RAD52: variants seen among roughly 807,000 people sequenced by gnomAD.
The protein encoded by RAD52 is DNA repair protein RAD52 homolog.
In RAD52, 47 loss-of-function variants were observed where a neutral mutation model predicts 55.5. That is an observed-to-expected ratio of 0.85 (90% confidence interval 0.67 to 1.08). The LOEUF (loss-of-function observed/expected upper bound fraction) is 1.08. RAD52 is among the 50% of genes least tolerant of loss of function. The probability of loss-of-function intolerance (pLI) is 0.00; values close to 1 mark genes in which losing one functional copy is unlikely to be tolerated. For missense variants in RAD52, 468 were observed against 522.8 expected (o/e 0.90, Z 1.02); for synonymous variants, 184 against 198.9 (o/e 0.92, Z 0.63).
rs548206762 is a variant in RAD52 at position 926,474 on chromosome 12, A to C, written c.467+671T>G. Among the ~76,000 whole-genome samples the C allele has an allele frequency of 2.2e-4, 33 of 152,270 alleles. 1 individual carries two copies. Among genetic ancestry groups the C allele is most frequent in the Non-Finnish European group, 4.9e-4 (33 of 68,024 alleles). The stretch of plus-strand genomic sequence containing the variant: ...AGCGATGACGGCACCACTGCACCCC[A>C]GCCTGTGCAACAGAGCAAGACCCTG... On this transcript the variant is annotated intron_variant, in intron 6 of 11. Transcript: ENST00000358495.
intron 6 of RAD52, among the ~76,000 whole-genome samples, chr12:926,414 A>G (rs1461700254): frequency 2.6e-5 from 4 of 152,046 alleles, no homozygotes; most frequent in Non-Finnish European, 5.9e-5. Flanking sequence ...TGAGGCGGGA[A>G]GATCACTTCA....
At chr12:947,521 C>T (rs11064609) in intron 1 of RAD52, among the ~76,000 whole-genome samples, 14,386 of 147,834 alleles carry the variant, frequency 0.097, 837 homozygotes, top group Middle Eastern at 0.21. Context: ...TAGTGGCATG[C>T]GCCTGTAAGC....
At chr12:931,388 C>A (rs1957321191) in intron 2 of RAD52, 67 bp from the exon 3 acceptor site, 1 of 1,182,270 alleles carries the variant, frequency 8.5e-7, no homozygotes, top group Non-Finnish European at 1.2e-6. Context: ...AGTCTCCATC[C>A]TTTATGGAGA....
chr12:933,614 C>T (rs1565674612), intron 1 of RAD52, among the ~76,000 whole-genome samples: 1 of 152,120 alleles, frequency 6.6e-6, no homozygotes, highest in Non-Finnish European at 1.5e-5. Flanking sequence ...TTTCTGTTAA[C>T]ATGTTTGCTA....
chr12:916,467 C>T lies in RAD52; in HGVS notation c.742G>A (p.Ala248Thr), dbSNP rs754974791. 2.2e-5 allele frequency: 36 copies of T among 1,607,246 alleles called. No individual in the cohort carries two copies. The East Asian group carries it at 6.7e-4, about 30-fold the overall frequency. Residue 248 changes from alanine (A) to threonine (T), a missense_variant, in exon 9 of 12, where the codon GCC becomes ACC. Coordinates refer to ENST00000358495, the MANE Select transcript of RAD52 (RefSeq NM_134424.4). ...DCSSRSLSSS[A>T]VESEATHQRK... The stretch of plus-strand genomic sequence containing the variant: ...TGGTGCGTGGCCTCGCTCTCCACGG[C>T]GGATGAGCTCAGGCTTCTGCATGAG...
At chr12:953,829 A>C (rs1228385184), upstream of RAD52, among the ~76,000 whole-genome samples, 2 of 152,206 alleles carry the variant, frequency 1.3e-5, no homozygotes, top group African/African-American at 2.4e-5. Context: ...ATCATAAATA[A>C]TACTACAGTG....
At chr12:940,610 TAAAAC>T (rs752043486) in intron 1 of RAD52, among the ~76,000 whole-genome samples, 6 of 151,686 alleles carry the variant, frequency 4.0e-5, no homozygotes, top group African/African-American at 1.2e-4. Flanking sequence ...AGACTCCGTC[TAAAAC>T]AAAACAAAAC....
chr12:959,133 T>C (rs919980404), intron 1 of RAD52, among the ~76,000 whole-genome samples: 1 of 152,202 alleles, frequency 6.6e-6, no homozygotes, highest in African/African-American at 2.4e-5. Flanking sequence ...AACCGAGTGC[T>C]GAGGGCTTCC....
intron 7 of RAD52, among the ~76,000 whole-genome samples, chr12:923,056 C>T (rs2154111807): frequency 6.6e-6 from 1 of 152,010 alleles, no homozygotes; most frequent in Middle Eastern, 3.4e-3. Flanking sequence ...CAGGGTTTCA[C>T]CATGTTGGCC....
chr12:987,696 G>A lies in RAD52; in HGVS notation c.-19+2113C>T, dbSNP rs913233511. 5.3e-5 allele frequency among the ~76,000 whole-genome samples: 8 copies of A among 151,990 alleles called. No individual in the cohort carries two copies. In the East Asian group the frequency reaches 1.5e-3, roughly 29 times the overall value. Reference sequence around the variant, plus strand: ...CCACCTCAGCCACCTGAGTAGCTGGGATTACAGGCATATGCCACCATACTT... The same window carrying A: ...CCACCTCAGCCACCTGAGTAGCTGGAATTACAGGCATATGCCACCATACTT... On this transcript the variant is annotated intron_variant, in intron 1 of 11. Coordinates refer to the RAD52 transcript ENST00000430095.
chr12:974,379 A>G (rs1958909209), intron 1 of RAD52: 2 of 152,156 alleles, frequency 1.3e-5, no homozygotes, highest in Admixed American at 6.6e-5. Context: ...CTTCTCTAGT[A>G]AGAGGGAGGC....
At chr12:981,068 AC>A (rs905892487) in intron 1 of RAD52, among the ~76,000 whole-genome samples, 26 of 151,662 alleles carry the variant, frequency 1.7e-4, no homozygotes, top group African/African-American at 6.0e-4. Context: ...GGTAGCTCAC[AC>A]CTGTAATCTC....
intron 1 of RAD52, among the ~76,000 whole-genome samples, chr12:986,849 T>TA (rs1959092613): frequency 6.6e-6 from 1 of 151,368 alleles, no homozygotes; most frequent in Non-Finnish European, 1.5e-5. Flanking sequence ...CCAATCTAAC[T>TA]AAGTTCCTGG....
At position 981,168 on chromosome 12, in the gene RAD52, C is replaced by CA. The variant is rs35150113; in HGVS notation, c.-19+8640dup. Among the ~76,000 whole-genome samples the CA allele has an allele frequency of 8.3e-3, 1,087 of 130,390 alleles. 2 individuals are homozygous for CA. The highest frequency in any genetic ancestry group is 0.028 in the Middle Eastern group (7 of 252). 85.5% of individuals were successfully genotyped at this position (130,390 alleles called of 152,430 possible). A position where few individuals can be genotyped will look rare whatever the true frequency, so the allele number is the denominator to read the frequency against. ...AACATGGTGAAACCCCCGTCTCTAC[C>CA]AAAAAAAAAAAAAAATTAGCCAGAT... is the stretch of plus-strand genomic sequence containing the variant. On this transcript the variant is annotated intron_variant, in intron 1 of 11. Transcript: ENST00000430095.
chr12:956,419 C>G (rs983650477), intron 1 of RAD52, among the ~76,000 whole-genome samples: 18 of 152,208 alleles, frequency 1.2e-4, no homozygotes, highest in African/African-American at 4.1e-4. Flanking sequence ...AATTGTATAG[C>G]TACTCCTGAT....
chr12:960,139 G>A (rs944463973), intron 1 of RAD52, among the ~76,000 whole-genome samples: 3 of 152,176 alleles, frequency 2.0e-5, no homozygotes, highest in African/African-American at 4.8e-5. Flanking sequence ...TTCAAGCAGG[G>A]AAATGCCCTG....
chr12:926,690 ACCT>A, intron 6 of RAD52: 1 of 1,229,910 alleles, frequency 8.1e-7, no homozygotes. Context: ...AGCCAATCAA[ACCT>A]CCTTTATTTA....
chr12:916,918 G>C (rs1956421808), intron 7 of RAD52, 98 bp from the exon 8 acceptor site: 1 of 1,493,484 alleles, frequency 6.7e-7, no homozygotes, highest in Non-Finnish European at 9.0e-7. Flanking sequence ...AATCGCATTT[G>C]ACATCCTCCA....
chr12:976,664 G>A (rs960279833), intron 1 of RAD52: 1 of 152,176 alleles, frequency 6.6e-6, no homozygotes, highest in Non-Finnish European at 1.5e-5. Context: ...GTGACCTCAG[G>A]TGATGCCATG....
Sources: gnomAD v4.1 joint callset for allele counts (sites outside exome capture counted in the v4.1 genomes callset) on GRCh38, gnomAD v4.1.1 for gene constraint, MANE v1.5 for transcripts, NCBI Gene and HGNC (gene_info 2026-07-23, HGNC 2026-07-21) for gene names.